The following OPCML variants were observed in gnomAD, a reference collection of about 807,000 sequenced individuals.
OPCML encodes opioid binding protein/cell adhesion molecule like, also known as opioid-binding protein/cell adhesion molecule.
A neutral mutation model predicts 37.8 loss-of-function variants in OPCML; 13 were observed. The observed-to-expected ratio is 0.34, with a 90% confidence interval of 0.22 to 0.55. OPCML has a LOEUF of 0.55. OPCML is among the 20% of genes least tolerant of loss of function. OPCML has a pLI of 0.91. For missense variants in OPCML, 341 were observed against 435.6 expected (o/e 0.78, Z 1.93); for synonymous variants, 176 against 168.8 (o/e 1.04, Z -0.33).
At chr11:132,962,274 A>G (rs1188753980) in intron 1 of OPCML, among the ~76,000 whole-genome samples, 1 of 152,240 alleles carries the variant, frequency 6.6e-6, no homozygotes, top group African/African-American at 2.4e-5. Flanking sequence ...AGCACAGCAC[A>G]GAAACCAGCC....
At chr11:132,828,541 C>G (rs1199959913) in intron 2 of OPCML, among the ~76,000 whole-genome samples, 1 of 148,646 alleles carries the variant, frequency 6.7e-6, no homozygotes, top group Non-Finnish European at 1.5e-5. Flanking sequence ...CTTGCTAAAA[C>G]AGCTCTTTTA....
At chr11:132,576,038 T>A (rs1166175007) in intron 3 of OPCML, among the ~76,000 whole-genome samples, 1 of 152,100 alleles carries the variant, frequency 6.6e-6, no homozygotes, top group Non-Finnish European at 1.5e-5. Flanking sequence ...ATACAAGGAA[T>A]TCCCTTGTAT....
intron 1 of OPCML, among the ~76,000 whole-genome samples, chr11:133,489,023 C>T (rs904539898): frequency 6.6e-6 from 1 of 150,704 alleles, no homozygotes; most frequent in Non-Finnish European, 1.5e-5. Context: ...AAATTGGATA[C>T]CCATATGCAG....
At chr11:132,433,626 C>T (rs1047197799) in intron 7 of OPCML, among the ~76,000 whole-genome samples, 2 of 152,148 alleles carry the variant, frequency 1.3e-5, no homozygotes, top group Admixed American at 1.3e-4. Flanking sequence ...GATGCTCTAA[C>T]CCCCAGTATG....
chr11:132,577,207 G>A lies in OPCML; in HGVS notation c.380-48021C>T, dbSNP rs558750884. Among the ~76,000 whole-genome samples, 3 of 152,248 alleles carry A rather than the reference G, an allele frequency of 2.0e-5. No individual in the cohort carries two copies. The East Asian group carries it at 5.8e-4, about 29-fold the overall frequency. On this transcript the variant is annotated intron_variant, in intron 3 of 7. Transcript: ENST00000524381. ...GTCCATGAACTGTTGCTGAATTGGT[G>A]AGTTTGTCAGGAAAAGGATGGTCCA...
intron 4 of OPCML, among the ~76,000 whole-genome samples, chr11:132,475,103 G>A (rs1309710206): frequency 6.6e-6 from 1 of 152,174 alleles, no homozygotes; most frequent in Admixed American, 6.5e-5. Flanking sequence ...AGTCACAACA[G>A]ATTCCACTGG....
chr11:133,042,859 C>A (rs754564546), intron 1 of OPCML, among the ~76,000 whole-genome samples: 1 of 152,080 alleles, frequency 6.6e-6, no homozygotes, highest in African/African-American at 2.4e-5. Context: ...TGAAGACACC[C>A]GAGACGCCTC....
chr11:132,987,509 A>G (rs1750039068), intron 1 of OPCML, among the ~76,000 whole-genome samples: 2 of 152,118 alleles, frequency 1.3e-5, no homozygotes, highest in African/African-American at 4.8e-5. Flanking sequence ...ATTGCGAGAG[A>G]GTTTGTGTTA....
rs568113979 is a variant in OPCML, at chr11:133,376,879, C to T, written c.61+155385G>A. On this transcript the variant is annotated intron_variant, in intron 1 of 7. Transcript: ENST00000524381. ...CATTGAAGGAGAATATAGGACATGT[C>T]GGTGTAACCCAGTACAGGATTCCCT... Among the ~76,000 whole-genome samples, 4 of 152,176 alleles carry T rather than the reference C, an allele frequency of 2.6e-5. No homozygotes were observed. The East Asian group carries it at 5.8e-4, about 22-fold the overall frequency.
At chr11:133,348,690 C>T (rs892845534) in intron 1 of OPCML, among the ~76,000 whole-genome samples, 41 of 152,194 alleles carry the variant, frequency 2.7e-4, no homozygotes, top group African/African-American at 3.1e-4. Context: ...AGGTGATCTA[C>T]GTGTACATCC....
intron 3 of OPCML, among the ~76,000 whole-genome samples, chr11:132,627,852 A>C (rs1939842062): frequency 6.6e-6 from 1 of 152,224 alleles, no homozygotes; most frequent in Non-Finnish European, 1.5e-5. Flanking sequence ...GCTCATTTCC[A>C]TAACTTTGGG....
At chr11:133,019,290 G>A (rs563051904) in intron 1 of OPCML, among the ~76,000 whole-genome samples, 1 of 152,278 alleles carries the variant, frequency 6.6e-6, no homozygotes, top group African/African-American at 2.4e-5. Flanking sequence ...TTCAGGATTT[G>A]AAAAGGAACT....
At chr11:132,609,310 T>C (rs1041067319) in intron 3 of OPCML, among the ~76,000 whole-genome samples, 1 of 152,228 alleles carries the variant, frequency 6.6e-6, no homozygotes, top group African/African-American at 2.4e-5. Flanking sequence ...CAGACCATTT[T>C]GGTAGCTTGT....
intron 1 of OPCML, among the ~76,000 whole-genome samples, chr11:133,441,406 G>T (rs1021948268): frequency 6.6e-6 from 1 of 152,056 alleles, no homozygotes; most frequent in African/African-American, 2.4e-5. Flanking sequence ...ATGAATTCAT[G>T]GGCATTTATT....
At chr11:133,516,106 G>A (rs7935672) in intron 1 of OPCML, among the ~76,000 whole-genome samples, 3,100 of 152,246 alleles carry the variant, frequency 0.02, 113 homozygotes, top group African/African-American at 0.071. Flanking sequence ...CAGGAGCCAT[G>A]AGATCTGGGA....
intron 1 of OPCML, among the ~76,000 whole-genome samples, chr11:133,450,055 C>T (rs1330711820): frequency 1.3e-5 from 2 of 151,660 alleles, no homozygotes; most frequent in Non-Finnish European, 2.9e-5. Context: ...TGCCTCTGGG[C>T]GTTGTCTTAT....
chr11:133,334,443 A>G (rs1382093613), intron 1 of OPCML, among the ~76,000 whole-genome samples: 2 of 152,144 alleles, frequency 1.3e-5, no homozygotes, highest in African/African-American at 2.4e-5. Flanking sequence ...GAGCTAAATG[A>G]TGAGAACTCA....
chr11:133,434,689 A>G (rs867191917), intron 1 of OPCML, among the ~76,000 whole-genome samples: 6 of 151,532 alleles, frequency 4.0e-5, no homozygotes, highest in African/African-American at 1.2e-4. Context: ...AGGGGGAAAA[A>G]GTTTCTAGTA....
intron 3 of OPCML, among the ~76,000 whole-genome samples, chr11:132,642,444 A>G (rs1371535579): frequency 6.6e-6 from 1 of 152,228 alleles, no homozygotes; most frequent in Non-Finnish European, 1.5e-5. Context: ...AAACACACAC[A>G]CATGTTCACA....
Sources: allele counts gnomAD v4.1 joint callset (sites outside exome capture counted in the v4.1 genomes callset), GRCh38; gene constraint gnomAD v4.1.1; transcripts MANE v1.5; gene names NCBI Gene and HGNC (gene_info 2026-07-23, HGNC 2026-07-21).